The following SHISA6 variants were observed in gnomAD, a reference collection of about 807,000 sequenced individuals.
The protein encoded by SHISA6 is protein shisa-6.
A neutral mutation model predicts 47.9 loss-of-function variants in SHISA6; 22 were observed. That is an observed-to-expected ratio of 0.46 (90% CI 0.33 to 0.66). SHISA6 has a LOEUF of 0.66. Among genes scored for constraint, SHISA6 ranks in the 30% least tolerant of loss-of-function variants. SHISA6 has a pLI of 0.02. For synonymous variants in SHISA6, 388 were observed against 337.8 expected, an observed-to-expected ratio of 1.15 and a Z score of -1.63; for missense variants, 680 against 764.6, an observed-to-expected ratio of 0.89 and a Z score of 1.30.
At chr17:11,533,047 A>G (rs998419643) in intron 3 of SHISA6, among the ~76,000 whole-genome samples, 14 of 152,128 alleles carry the variant, frequency 9.2e-5, no homozygotes, top group African/African-American at 3.1e-4. Flanking sequence ...TTAGCTATGA[A>G]ATCTGCCCAA....
intron 3 of SHISA6, among the ~76,000 whole-genome samples, chr17:11,428,144 C>T (rs1914654189): frequency 6.6e-6 from 1 of 152,166 alleles, no homozygotes; most frequent in Non-Finnish European, 1.5e-5. Flanking sequence ...TATTTTATCC[C>T]CTTTTACACA....
intron 2 of SHISA6, among the ~76,000 whole-genome samples, chr17:11,324,337 T>C (rs1910805786): frequency 1.3e-5 from 2 of 152,202 alleles, no homozygotes; most frequent in Admixed American, 1.3e-4. Flanking sequence ...GTGAGCTGTC[T>C]TTGGCATGAA....
intron 1 of SHISA6, among the ~76,000 whole-genome samples, chr17:11,252,341 C>G (rs1907845375): frequency 6.6e-6 from 1 of 152,126 alleles, no homozygotes; most frequent in Admixed American, 6.5e-5. Flanking sequence ...AGTCTCATTA[C>G]TCAGGACATC....
At chr17:11,509,461 G>A (rs2071525959) in intron 3 of SHISA6, among the ~76,000 whole-genome samples, 1 of 152,166 alleles carries the variant, frequency 6.6e-6, no homozygotes, top group Admixed American at 6.5e-5. Flanking sequence ...TCAGAGAGCT[G>A]GAGGAAATGC....
chr17:11,267,233 C>T (rs76379838), intron 2 of SHISA6, among the ~76,000 whole-genome samples: 1 of 152,198 alleles, frequency 6.6e-6, no homozygotes, highest in African/African-American at 2.4e-5. Context: ...CCTTACCCCT[C>T]AAATCTGGCT....
intron 3 of SHISA6, among the ~76,000 whole-genome samples, chr17:11,403,434 A>AC (rs1913845306): frequency 6.6e-6 from 1 of 152,186 alleles, no homozygotes; most frequent in Non-Finnish European, 1.5e-5. Context: ...TCAGGGACCC[A>AC]CCCTGGAAGT....
chr17:11,444,469 C>T (rs1401823445), intron 3 of SHISA6, among the ~76,000 whole-genome samples: 1 of 152,130 alleles, frequency 6.6e-6, no homozygotes, highest in African/African-American at 2.4e-5. Context: ...ATGGAGAAAC[C>T]TTCAATGAGA....
chr17:11,260,689 C>T (rs1389076095), intron 1 of SHISA6, among the ~76,000 whole-genome samples: 1 of 151,994 alleles, frequency 6.6e-6, no homozygotes, highest in Admixed American at 6.6e-5. Flanking sequence ...TAACTCTCTT[C>T]TCTGAACCTT....
At chr17:11,300,964 A>G (rs570364376) in intron 2 of SHISA6, among the ~76,000 whole-genome samples, 58 of 151,538 alleles carry the variant, frequency 3.8e-4, no homozygotes, top group African/African-American at 1.3e-3. Context: ...ATGTTCACAC[A>G]GAAGAGAAAA....
Position 11,555,974 on chromosome 17 carries a change from C to A in SHISA6, c.1105+82C>A, listed in dbSNP as rs1480881809. 2.5e-5 allele frequency: 34 copies of A among 1,382,100 alleles called. No individual in the cohort carries two copies. The East Asian group carries it at 8.2e-4, about 33-fold the overall frequency. 85.6% of individuals were successfully genotyped at this position (1,382,100 alleles called of 1,614,324 possible). A position where few individuals can be genotyped will look rare whatever the true frequency, so the allele number is the denominator to read the frequency against. On this transcript the variant is annotated intron_variant, in intron 5 of 5. Coordinates refer to ENST00000441885, the MANE Select transcript of SHISA6 (RefSeq NM_207386.4). The stretch of plus-strand genomic sequence containing the variant: ...TATGTCACACTCTCTTGCTCCATAC[C>A]CCATAGGACAGCTGTCAAATCCCAA...
chr17:11,377,265 G>A (rs1041255564), intron 2 of SHISA6, among the ~76,000 whole-genome samples: 18 of 152,020 alleles, frequency 1.2e-4, no homozygotes, highest in Non-Finnish European at 4.4e-5. Context: ...ACCACCCCCA[G>A]CCTAATAATT....
At chr17:11,368,935 A>G (rs1422866834) in intron 2 of SHISA6, among the ~76,000 whole-genome samples, 2 of 152,200 alleles carry the variant, frequency 1.3e-5, no homozygotes, top group Non-Finnish European at 2.9e-5. Context: ...GATTACAGGC[A>G]TGGGCCACCG....
At chr17:11,543,268 G>A (rs529559454) in intron 3 of SHISA6, among the ~76,000 whole-genome samples, 1 of 152,148 alleles carries the variant, frequency 6.6e-6, no homozygotes, top group Non-Finnish European at 1.5e-5. Context: ...TATATATAGA[G>A]AGAGATGTAA....
chr17:11,350,534 A>ATATC (rs1393502244), intron 2 of SHISA6, among the ~76,000 whole-genome samples: 6 of 152,026 alleles, frequency 3.9e-5, no homozygotes, highest in Non-Finnish European at 8.8e-5. Context: ...GCCTCATCAG[A>ATATC]TATCTAATCA....
intron 3 of SHISA6, among the ~76,000 whole-genome samples, chr17:11,438,046 C>G (rs1186857236): frequency 6.6e-6 from 1 of 152,120 alleles, no homozygotes; most frequent in Admixed American, 6.5e-5. Flanking sequence ...ACTTATTGTC[C>G]ACTCCTTCTC....
At chr17:11,549,655 C>A (rs1445975577) in intron 3 of SHISA6, among the ~76,000 whole-genome samples, 1 of 152,148 alleles carries the variant, frequency 6.6e-6, no homozygotes, top group East Asian at 1.9e-4. Flanking sequence ...ATAACCCTTT[C>A]CTGGTGATAC....
intron 3 of SHISA6, among the ~76,000 whole-genome samples, chr17:11,392,742 G>C (rs1221812854): frequency 6.6e-6 from 1 of 152,232 alleles, no homozygotes; most frequent in Non-Finnish European, 1.5e-5. Context: ...GCCCAGATTG[G>C]GGTGTAGCAG....
At chr17:11,403,935 A>G (rs1913860815) in intron 3 of SHISA6, among the ~76,000 whole-genome samples, 1 of 152,162 alleles carries the variant, frequency 6.6e-6, no homozygotes, top group Non-Finnish European at 1.5e-5. Flanking sequence ...TGGATGCCCC[A>G]TGGAATAGAG....
intron 3 of SHISA6, among the ~76,000 whole-genome samples, chr17:11,475,485 A>G (rs1916029230): frequency 6.6e-6 from 1 of 152,130 alleles, no homozygotes; most frequent in South Asian, 2.1e-4. Context: ...ATTTTTTATC[A>G]TGAATGTGTT....
Sources: allele counts gnomAD v4.1 joint callset (sites outside exome capture counted in the v4.1 genomes callset), GRCh38; gene constraint gnomAD v4.1.1; transcripts MANE v1.5; gene names NCBI Gene and HGNC (gene_info 2026-07-23, HGNC 2026-07-21).